ANKFY1: variants seen among roughly 807,000 people sequenced by gnomAD.
ANKFY1 encodes ankyrin repeat and FYVE domain-containing protein 1.
A neutral mutation model predicts 128.3 loss-of-function variants in ANKFY1; 47 were observed. The observed-to-expected ratio is 0.37, with a 90% CI of 0.29 to 0.47. ANKFY1 has a LOEUF of 0.47. ANKFY1 is among the 20% of genes least tolerant of loss of function. The pLI is 1.00. For synonymous variants in ANKFY1, 553 were observed against 601.6 expected, an observed-to-expected ratio of 0.92 and a Z score of 1.18; for missense variants, 1,222 against 1,510.6, an observed-to-expected ratio of 0.81 and a Z score of 3.17.
chr17:4,228,656 A>T (rs2060465686), intron 3 of ANKFY1, among the ~76,000 whole-genome samples: 1 of 152,166 alleles, frequency 6.6e-6, no homozygotes, highest in South Asian at 2.1e-4. Flanking sequence ...ACCTCAAGTG[A>T]TCCACCCAAC....
intron 4 of ANKFY1, among the ~76,000 whole-genome samples, chr17:4,213,002 T>C (rs977819400): frequency 2.6e-5 from 4 of 151,814 alleles, no homozygotes; most frequent in Admixed American, 2.0e-4. Context: ...GTCTCGATCT[T>C]CTGACCTCAT....
chr17:4,193,082 A>G (rs993967118), intron 10 of ANKFY1, among the ~76,000 whole-genome samples: 2 of 152,226 alleles, frequency 1.3e-5, no homozygotes, highest in African/African-American at 2.4e-5. Flanking sequence ...CTGACAGATC[A>G]AGCAGTCCAA....
chr17:4,167,678 A>G lies in ANKFY1; in HGVS notation c.*101T>C. ...ATCGTTCCAGTCTATTGCCGCAGGA[A>G]GACACCCGCCAGCTCCTGCTCTGGG... On this transcript the variant is annotated 3_prime_UTR_variant, in exon 25 of 25. Transcript: ENST00000341657. The surrounding 1 kb of genome is among the most constrained non-coding windows in gnomAD (Gnocchi z 4.1). 1 of 1,231,490 alleles carries G rather than the reference A, an allele frequency of 8.1e-7. No individual in the cohort carries two copies. Among genetic ancestry groups the G allele is most frequent in the Non-Finnish European group, 1.1e-6 (1 of 910,378 alleles). 76.3% of individuals were successfully genotyped at this position (1,231,490 alleles called of 1,614,324 possible).
intron 13 of ANKFY1, 115 bp from the exon 14 acceptor site, chr17:4,183,666 A>G (rs1185880565): frequency 2.1e-6 from 3 of 1,431,014 alleles, no homozygotes; most frequent in Non-Finnish European, 2.9e-6. Flanking sequence ...CACTGGATCT[A>G]ACAGGCTTAA....
At chr17:4,223,240 G>A in intron 3 of ANKFY1, 1 of 810,792 alleles carries the variant, frequency 1.2e-6, no homozygotes. Context: ...TACGAGAAAA[G>A]CCCATGGTGA....
At chr17:4,254,044 G>A (rs985008054) in intron 1 of ANKFY1, among the ~76,000 whole-genome samples, 2 of 152,096 alleles carry the variant, frequency 1.3e-5, no homozygotes, top group Non-Finnish European at 2.9e-5. Flanking sequence ...GGTGGCTCAC[G>A]CCTGTAATCC....
intron 2 of ANKFY1, among the ~76,000 whole-genome samples, chr17:4,240,064 CTTT>C (rs11290920): frequency 1.8e-4 from 20 of 114,204 alleles, no homozygotes; most frequent in Non-Finnish European, 1.8e-4. Flanking sequence ...ATTAGCATGC[CTTT>C]TTTTTTTTTT....
intron 3 of ANKFY1, among the ~76,000 whole-genome samples, chr17:4,217,651 A>G (rs533180017): frequency 1.1e-4 from 17 of 152,308 alleles, no homozygotes; most frequent in African/African-American, 4.1e-4. Flanking sequence ...TAAATTGGGG[A>G]AAATATTTGA....
In ANKFY1 at chr17:4,166,855, C is replaced by G. The variant is rs1288672797; in HGVS notation, c.*924G>C. 6.6e-6 allele frequency: 1 copy of G among 152,368 alleles called. No homozygotes were observed. Among genetic ancestry groups the G allele is most frequent in the African/African-American group, 2.4e-5 (1 of 41,448 alleles). The allele number at this position is 152,368 out of a possible 1,614,324, so 9.4% of individuals were successfully genotyped here. On this transcript the variant is annotated 3_prime_UTR_variant, in exon 25 of 25. Transcript: ENST00000341657. Reference sequence around the variant, plus strand: ...TAAAAGATGCTCTGTAGAGTTTTTCCTTGGAGATTCGTGTGAGCTGAGGTC... The same window carrying G: ...TAAAAGATGCTCTGTAGAGTTTTTCGTTGGAGATTCGTGTGAGCTGAGGTC...
chr17:4,259,457 T>C (rs913036321), intron 1 of ANKFY1, among the ~76,000 whole-genome samples: 2 of 152,174 alleles, frequency 1.3e-5, no homozygotes, highest in African/African-American at 2.4e-5. Flanking sequence ...AATTTTTGTA[T>C]GTTTAGTAGA....
At chr17:4,229,529 T>C (rs930025314) in intron 3 of ANKFY1, among the ~76,000 whole-genome samples, 2 of 152,154 alleles carry the variant, frequency 1.3e-5, no homozygotes, top group South Asian at 2.1e-4. Context: ...AAAGAAATTA[T>C]TGAATTGGCT....
chr17:4,260,914 A>T (rs1968382635), intron 1 of ANKFY1, among the ~76,000 whole-genome samples: 1 of 152,210 alleles, frequency 6.6e-6, no homozygotes, highest in African/African-American at 2.4e-5. Flanking sequence ...GTGTGTTTAC[A>T]GATCATTCAA....
At position 4,242,407 on chromosome 17, in the gene ANKFY1, GC is replaced by G; in HGVS notation, c.51del (p.Gln18ArgfsTer53). On this transcript the variant is annotated frameshift_variant, in exon 2 of 25. Transcript: ENST00000341657. LOFTEE classifies it high-confidence loss of function. ...TTCTTCTGCAGCTTGACATACTCCT[GC>G]CGCAGAAGCATCAAGTGCTTCTCCA... is the stretch of plus-strand genomic sequence containing the variant. The part of the protein sequence containing the change: ...AKLEKHLMLL[R>X]QEYVKLQKKL... 1 of 1,582,108 alleles carries G rather than the reference GC, an allele frequency of 6.3e-7. No individual in the cohort carries two copies.
In ANKFY1 at chr17:4,205,254, C is replaced by T. The variant is rs75413550; in HGVS notation, c.898+1067G>A. On this transcript the variant is annotated intron_variant, in intron 7 of 24. Transcript: ENST00000341657. ...GTCAACCATCCCTCCACAAAACTAA[C>T]GCTTTGACACTTTGGAAAGCTTTCA... Among the ~76,000 whole-genome samples the T allele has an allele frequency of 5.3e-3, 801 of 152,302 alleles. 7 individuals carry two copies. Among genetic ancestry groups the T allele is most frequent in the African/African-American group, 0.018 (737 of 41,566 alleles).
chr17:4,216,595 T>C, intron 4 of ANKFY1: 2 of 299,006 alleles, frequency 6.7e-6, no homozygotes, highest in Non-Finnish European at 1.3e-5. Flanking sequence ...CACTCATTGT[T>C]TCCAACAAAG....
In ANKFY1 at chr17:4,263,580, AAGG is replaced by A. The variant is rs987938861; in HGVS notation, c.10+349_10+351del. On this transcript the variant is annotated intron_variant, in intron 1 of 24. Coordinates refer to ENST00000341657, the MANE Select transcript of ANKFY1 (RefSeq NM_001330063.2). ...GCCAGGACAGCAGTTTCGATTTCCT[AAGG>A]AGAAGGCTTACTTCCCCCGGCGTCC... is the stretch of plus-strand genomic sequence containing the variant. 2.6e-6 allele frequency: 4 copies of A among 1,534,214 alleles called. No homozygotes were observed. The African/African-American group carries it at 4.1e-5, about 16-fold the overall frequency.
intron 1 of ANKFY1, among the ~76,000 whole-genome samples, chr17:4,255,285 C>T (rs551919204): frequency 3.2e-5 from 4 of 124,962 alleles, no homozygotes; most frequent in Admixed American, 2.9e-4. Context: ...TTTCTCTTGT[C>T]GCCCAGACTG....
intron 3 of ANKFY1, among the ~76,000 whole-genome samples, chr17:4,226,358 C>T (rs1567960759): frequency 6.6e-6 from 1 of 151,914 alleles, no homozygotes; most frequent in East Asian, 1.9e-4. Context: ...CCTGTCTCTA[C>T]AAAAAAACAT....
At chr17:4,184,734 C>G in intron 12 of ANKFY1, 84 bp downstream of exon 12, 1 of 1,463,206 alleles carries the variant, frequency 6.8e-7, no homozygotes, top group South Asian at 1.2e-5. Flanking sequence ...AACTCACCAA[C>G]AGAAAAAACA....
Sources: gnomAD v4.1 joint callset for allele counts (sites outside exome capture counted in the v4.1 genomes callset) on GRCh38, gnomAD v4.1.1 for gene constraint, Gnocchi (gnomAD v3.1) non-coding constraint, MANE v1.5 for transcripts, NCBI Gene and HGNC (gene_info 2026-07-23, HGNC 2026-07-21) for gene names.